MEAK7: variants seen among roughly 807,000 people sequenced by gnomAD.
MEAK7 encodes MTOR-associated protein MEAK7.
A neutral mutation model predicts 40.5 loss-of-function variants in MEAK7; 68 were observed. The observed-to-expected ratio is 1.68, with a 90% CI of 1.38 to 2.06. The LOEUF (loss-of-function observed/expected upper bound fraction) is 2.06, where lower values mean the gene tolerates loss of function less well. MEAK7 is among the 30% of genes most tolerant of loss of function. The pLI is 0.00. For synonymous variants in MEAK7, 338 were observed against 231.9 expected (o/e 1.46, Z -4.16); for missense variants, 918 against 580.5 (o/e 1.58, Z -5.98).
At position 84,495,892 on chromosome 16, in the gene MEAK7, G is replaced by T; in HGVS notation, c.175C>A (p.Pro59Thr). Residue 59 changes from proline to threonine, a missense_variant, in exon 3 of 8, where the codon CCC becomes ACC. Pro to Thr is a conservative substitution (Grantham distance 38, BLOSUM62 -1). Transcript: ENST00000343629. ...TACAGCCTGGTGACCATCTCTGGGG[G>T]AAGAGCTTCCCCGACGTGGTTCTGC... ...ALQNHVGEAL[P>T]PEMVTRLYDG... is the part of the protein sequence containing the mutation. The T allele has an allele frequency of 1.2e-6, 2 of 1,614,070 alleles. No individual in the cohort carries two copies. The highest frequency in any genetic ancestry group is 8.5e-7 in the Non-Finnish European group (1 of 1,180,030).
At chr16:84,498,360 C>T (rs1914228883) in intron 1 of MEAK7, among the ~76,000 whole-genome samples, 1 of 152,116 alleles carries the variant, frequency 6.6e-6, no homozygotes, top group Non-Finnish European at 1.5e-5. Flanking sequence ...CCTCAACCTC[C>T]TGGGCTCGGG....
chr16:84,482,674 C>G lies in MEAK7; in HGVS notation c.995G>C (p.Ser332Thr), dbSNP rs772916693. 1.2e-5 allele frequency: 20 copies of G among 1,614,210 alleles called. No homozygotes were observed. Among genetic ancestry groups the G allele is most frequent in the Non-Finnish European group, 1.6e-5 (19 of 1,180,032 alleles). Residue 332 changes from serine (S) to threonine (T), a missense_variant, in exon 6 of 8, where the codon AGC becomes ACC. Physicochemically the swap from Ser to Thr is moderately conservative, Grantham distance 58 (BLOSUM62 1). Coordinates refer to ENST00000343629, the MANE Select transcript of MEAK7 (RefSeq NM_020947.4). ...NRCFLFSICP[S>T]MAVYTHTGYN... ...GCCCGTGTGTGTGTACACAGCCATG[C>G]TGGGGCAGATGGAGAACAGGAAGCA... is the stretch of plus-strand genomic sequence containing the variant.
intron 5 of MEAK7, chr16:84,486,337 C>T: frequency 1.4e-6 from 1 of 695,134 alleles, no homozygotes; most frequent in Non-Finnish European, 1.9e-6. Flanking sequence ...ATCTCCTGGT[C>T]CCCTCGGAGG....
intron 3 of MEAK7, among the ~76,000 whole-genome samples, chr16:84,490,661 TGTG>T (rs1913514470): frequency 2.3e-5 from 3 of 131,484 alleles, no homozygotes; most frequent in African/African-American, 9.9e-5. Context: ...AAGATGTGTG[TGTG>T]TGTGTGTGTG....
At chr16:84,495,394 C>G (rs1356686638) in intron 3 of MEAK7, among the ~76,000 whole-genome samples, 1 of 152,220 alleles carries the variant, frequency 6.6e-6, no homozygotes, top group Admixed American at 6.5e-5. Flanking sequence ...TGCTCCCTTC[C>G]TCTTAACAAA....
intron 2 of MEAK7, among the ~76,000 whole-genome samples, chr16:84,496,237 T>G (rs1425158850): frequency 6.6e-6 from 1 of 152,166 alleles, no homozygotes; most frequent in Non-Finnish European, 1.5e-5. Context: ...GTGCCCTGCA[T>G]TTACTTATTA....
rs1232320875 is a variant in MEAK7, at chr16:84,486,765, T to G, written c.824A>C (p.His275Pro). The G allele has an allele frequency of 1.2e-6, 2 of 1,614,030 alleles. No individual in the cohort carries two copies. Among genetic ancestry groups the G allele is most frequent in the Non-Finnish European group, 1.7e-6 (2 of 1,179,896 alleles). Residue 275 changes from histidine (H) to proline (P), a missense_variant, in exon 5 of 8, where the codon CAT becomes CCT. His to Pro is a moderately conservative substitution (Grantham distance 77, BLOSUM62 -2). Coordinates refer to ENST00000343629, the MANE Select transcript of MEAK7 (RefSeq NM_020947.4). ...ACAGAGCTGGGAGAAGCTGTGTCCA[T>G]GGAGCTCAGACGAAAAGAGCAGGCA... is the stretch of plus-strand genomic sequence containing the variant. The part of the protein sequence containing the change: ...RWCLLFSSEL[H>P]GHSFSQLCGH...
Position 84,495,814 on chromosome 16 carries a change from T to A in MEAK7, c.253A>T (p.Asn85Tyr). 1 of 1,614,108 alleles carries A rather than the reference T, an allele frequency of 6.2e-7. No homozygotes were observed. The highest frequency in any genetic ancestry group is 1.7e-5 in the Admixed American group (1 of 60,022). The change falls in exon 3 of 8, where the codon AAC (asparagine) becomes TAC (tyrosine). Residue 85 changes from asparagine to tyrosine, a missense_variant. Coordinates refer to ENST00000343629, the MANE Select transcript of MEAK7 (RefSeq NM_020947.4). ...GCTGTGAACTGCTCCTGGGACACGTTCTCACTGGGTCCCTTCGCCTTCCCT... is the reference window on the plus strand; with the variant it reads ...GCTGTGAACTGCTCCTGGGACACGTACTCACTGGGTCCCTTCGCCTTCCCT... ...LTGKAKGPSENVSQEQFTASM... is the reference protein window; with the variant it reads ...LTGKAKGPSEYVSQEQFTASM...
Position 84,499,052 on chromosome 16 carries a change from C to T in MEAK7, c.-25-941G>A, listed in dbSNP as rs115951248. On this transcript the variant is annotated intron_variant, in intron 1 of 7. Transcript: ENST00000343629. ...GGGCCAAGACCTGCCTGGCACTGAC[C>T]GTGCCTGTATGATCCCGGCCCGTGA... Among the ~76,000 whole-genome samples the T allele has an allele frequency of 9.0e-3, 1,367 of 152,282 alleles. 13 individuals are homozygous for T. The highest frequency in any genetic ancestry group is 0.015 in the African/African-American group (642 of 41,562).
intron 4 of MEAK7, 44 bp from the exon 5 acceptor site, chr16:84,487,103 C>T (rs1197821291): frequency 6.4e-7 from 1 of 1,559,104 alleles, no homozygotes; most frequent in African/African-American, 1.4e-5. Flanking sequence ...TGTTATGTCA[C>T]CATTTAGCTA....
chr16:84,498,087 C>G lies in MEAK7; in HGVS notation c.-1G>C. On this transcript the variant is annotated 5_prime_UTR_variant, in exon 2 of 8. Coordinates refer to ENST00000343629, the MANE Select transcript of MEAK7 (RefSeq NM_020947.4). Reference sequence around the variant, plus strand: ...CCACACGGCTTCTGCTGTTCCCCATCTGTCCTGATATCTGGCAGAATTCTC... The same window carrying G: ...CCACACGGCTTCTGCTGTTCCCCATGTGTCCTGATATCTGGCAGAATTCTC... The G allele has an allele frequency of 6.2e-7, 1 of 1,605,604 alleles. No individual in the cohort carries two copies. The highest frequency in any genetic ancestry group is 8.5e-7 in the Non-Finnish European group (1 of 1,176,030).
intron 1 of MEAK7, among the ~76,000 whole-genome samples, chr16:84,503,774 G>C (rs765555642): frequency 1.3e-4 from 20 of 152,088 alleles, no homozygotes; most frequent in Non-Finnish European, 2.4e-4. Flanking sequence ...GGTGGACAGG[G>C]ACCGATTGTC....
At chr16:84,497,560 G>A in intron 2 of MEAK7, 2 of 1,296,720 alleles carry the variant, frequency 1.5e-6, no homozygotes, top group Non-Finnish European at 1.0e-6. Flanking sequence ...ACACGAGGCA[G>A]GCTATCTCTC....
intron 3 of MEAK7, 118 bp from the exon 4 acceptor site, chr16:84,489,540 G>T: frequency 8.2e-7 from 1 of 1,212,360 alleles, no homozygotes; most frequent in East Asian, 2.5e-5. Flanking sequence ...CACAATGTGG[G>T]GAAAGGTCAT....
chr16:84,491,397 G>C (rs1913585917), intron 3 of MEAK7, among the ~76,000 whole-genome samples: 1 of 152,102 alleles, frequency 6.6e-6, no homozygotes, highest in Non-Finnish European at 1.5e-5. Flanking sequence ...AAATTAACCA[G>C]GTATGGTGAC....
chr16:84,501,190 G>T (rs11643825), intron 1 of MEAK7, among the ~76,000 whole-genome samples: 54,260 of 149,650 alleles, frequency 0.36, 10,168 homozygotes, highest in East Asian at 0.6. Flanking sequence ...GAAGAGTGAA[G>T]AGTGGAAAAG....
At chr16:84,482,475 G>T (rs1912649344) in intron 6 of MEAK7, 117 bp downstream of exon 6, 13 of 1,514,964 alleles carry the variant, frequency 8.6e-6, no homozygotes, top group Non-Finnish European at 1.1e-5. Flanking sequence ...GACATGGCGT[G>T]CGTGAGGAAC....
chr16:84,478,882 C>G lies in MEAK7; in HGVS notation c.*1031G>C, dbSNP rs1912260700. On this transcript the variant is annotated 3_prime_UTR_variant, in exon 8 of 8. Coordinates refer to ENST00000343629, the MANE Select transcript of MEAK7 (RefSeq NM_020947.4). ...GACTCAGGTGCTGGTTCCCAGAGGT[C>G]TAGAACCCAGGCCAGTCACTCACCA... The G allele has an allele frequency of 6.6e-6, 1 of 152,266 alleles. No homozygotes were observed. Among genetic ancestry groups the G allele is most frequent in the African/African-American group, 2.4e-5 (1 of 41,464 alleles). The allele number at this position is 152,266 out of a possible 1,614,324, so 9.4% of individuals were successfully genotyped here.
rs962818015 is a variant in MEAK7 at position 84,478,254 on chromosome 16, G to C, written c.*1659C>G. On this transcript the variant is annotated 3_prime_UTR_variant, in exon 8 of 8. Coordinates refer to ENST00000343629, the MANE Select transcript of MEAK7 (RefSeq NM_020947.4). ...GTTCCCCATAAGCCATTACAAACTG[G>C]CTAAGGAAAATCAGTCATGACTAAG... 2 of 152,168 alleles carry C rather than the reference G, an allele frequency of 1.3e-5. No homozygotes were observed. The highest frequency in any genetic ancestry group is 6.5e-5 in the Admixed American group (1 of 15,274). 9.4% of individuals were successfully genotyped at this position (152,168 alleles called of 1,614,324 possible). A position where few individuals can be genotyped will look rare whatever the true frequency, so the allele number is the denominator to read the frequency against.
Sources: gnomAD v4.1 joint callset for allele counts (sites outside exome capture counted in the v4.1 genomes callset) on GRCh38, gnomAD v4.1.1 for gene constraint, MANE v1.5 for transcripts, NCBI Gene and HGNC (gene_info 2026-07-23, HGNC 2026-07-21) for gene names.